The following TSPAN14 variants were observed in gnomAD, a reference collection of about 807,000 sequenced individuals.
The protein encoded by TSPAN14 is tetraspanin 14.
TSPAN14 carries 16 observed loss-of-function variants against 36.6 expected under a neutral mutation model. That is an observed-to-expected ratio of 0.44 (90% CI 0.30 to 0.66). TSPAN14 has a LOEUF of 0.66. TSPAN14 is among the 30% of genes least tolerant of loss of function. The pLI, the probability that TSPAN14 is intolerant of heterozygous loss-of-function variation, is 0.12. For synonymous variants in TSPAN14, 139 were observed against 143.8 expected, an observed-to-expected ratio of 0.97 and a Z score of 0.24; for missense variants, 231 against 355.1, an observed-to-expected ratio of 0.65 and a Z score of 2.81.
At chr10:80,492,778 T>C (rs1325714164) in intron 2 of TSPAN14, among the ~76,000 whole-genome samples, 2 of 151,778 alleles carry the variant, frequency 1.3e-5, no homozygotes, top group Non-Finnish European at 2.9e-5. Context: ...ATCGCGCCAC[T>C]GCACTCCAGC....
intron 8 of TSPAN14, among the ~76,000 whole-genome samples, chr10:80,516,901 G>T (rs546771251): frequency 6.6e-6 from 1 of 152,238 alleles, no homozygotes; most frequent in Admixed American, 6.5e-5. Flanking sequence ...ATTTGAACCA[G>T]GTTGCACATG....
rs963934476 is a variant in TSPAN14, at chr10:80,516,027, C to T, written c.622-177C>T. On this transcript the variant is annotated intron_variant, in intron 7 of 8. Coordinates refer to ENST00000429989, the Ensembl canonical transcript of TSPAN14. ...GGTGGTGCGATGGCACAGTGCCCAG[C>T]GAGGGGCAGAGGCTGAGAGGAGCTG... The T allele has an allele frequency of 7.2e-5, 63 of 877,938 alleles. No individual in the cohort carries two copies. In the South Asian group the frequency reaches 7.8e-4, roughly 11 times the overall value. The allele number at this position is 877,938 out of a possible 1,614,324, so 54.4% of individuals were successfully genotyped here.
chr10:80,517,493 T>C (rs1019170001), intron 8 of TSPAN14, among the ~76,000 whole-genome samples: 2 of 152,252 alleles, frequency 1.3e-5, no homozygotes, highest in Non-Finnish European at 2.9e-5. Flanking sequence ...GGTTTTATTA[T>C]GGAATCGACG....
At chr10:80,486,748 G>A (rs149997422) in intron 1 of TSPAN14, among the ~76,000 whole-genome samples, 68 of 152,236 alleles carry the variant, frequency 4.5e-4, no homozygotes, top group Admixed American at 2.2e-3. Flanking sequence ...AGTTTCTACC[G>A]CTTAGAACAT....
chr10:80,464,229 TC>T (rs1305089274), intron 1 of TSPAN14, among the ~76,000 whole-genome samples: 1 of 152,212 alleles, frequency 6.6e-6, no homozygotes, highest in East Asian at 1.9e-4. Context: ...TTCTCTGGCC[TC>T]CCTTGGCCTT....
At chr10:80,470,455 T>C (rs981047885) in intron 1 of TSPAN14, among the ~76,000 whole-genome samples, 2 of 152,246 alleles carry the variant, frequency 1.3e-5, no homozygotes, top group Non-Finnish European at 2.9e-5. Context: ...ACTGACAGTA[T>C]ATTCTAGCTG....
At chr10:80,488,269 C>T (rs540163996) in intron 1 of TSPAN14, among the ~76,000 whole-genome samples, 5 of 152,294 alleles carry the variant, frequency 3.3e-5, no homozygotes, top group East Asian at 3.9e-4. Context: ...TGGAGGACTT[C>T]GGGGTCCACC....
intron 7 of TSPAN14, 69 bp from the exon 8 acceptor site, chr10:80,516,135 C>T (rs1295115016): frequency 4.4e-6 from 7 of 1,608,808 alleles, no homozygotes; most frequent in Non-Finnish European, 6.0e-6. Flanking sequence ...CTTACCAGAG[C>T]TCACTAGGGG....
At chr10:80,489,105 A>T in intron 1 of TSPAN14, 112 bp from the exon 2 acceptor site, 1 of 694,160 alleles carries the variant, frequency 1.4e-6, no homozygotes, top group Non-Finnish European at 2.5e-6. Context: ...GGACCAGTAA[A>T]GGGTCATGAG....
chr10:80,496,427 C>T (rs7085951), intron 2 of TSPAN14, among the ~76,000 whole-genome samples: 9,457 of 152,206 alleles, frequency 0.062, 977 homozygotes, highest in African/African-American at 0.21. Context: ...AAGAGTTTCT[C>T]CTTTTATTCT....
At chr10:80,508,771 CAT>C (rs1840450853) in intron 4 of TSPAN14, among the ~76,000 whole-genome samples, 1 of 152,192 alleles carries the variant, frequency 6.6e-6, no homozygotes, top group Non-Finnish European at 1.5e-5. Flanking sequence ...TACCTCGTGA[CAT>C]AGCCATAGTT....
At chr10:80,495,632 G>C (rs553648704) in intron 2 of TSPAN14, among the ~76,000 whole-genome samples, 47 of 152,326 alleles carry the variant, frequency 3.1e-4, no homozygotes, top group African/African-American at 1.1e-3. Flanking sequence ...GTACTTTCAA[G>C]TCTTAAGTAG....
chr10:80,490,518 A>G (rs892946120), intron 2 of TSPAN14, among the ~76,000 whole-genome samples: 4 of 152,190 alleles, frequency 2.6e-5, no homozygotes, highest in East Asian at 1.9e-4. Flanking sequence ...GGCACAGTCA[A>G]CCATGGTGCA....
At chr10:80,505,661 G>C (rs989135233) in intron 3 of TSPAN14, among the ~76,000 whole-genome samples, 1 of 152,170 alleles carries the variant, frequency 6.6e-6, no homozygotes, top group African/African-American at 2.4e-5. Flanking sequence ...AGTGGCCTGT[G>C]AACCCCTAAA....
exon 9 of TSPAN14, chr10:80,521,988 G>A (rs532467596): frequency 6.6e-6 from 1 of 151,714 alleles, no homozygotes; most frequent in African/African-American, 2.4e-5. Context: ...AAAACATGAA[G>A]TGGGCATTGT....
chr10:80,515,938 G>T (rs147059704), intron 7 of TSPAN14: 14 of 470,346 alleles, frequency 3.0e-5, no homozygotes, highest in African/African-American at 1.9e-5. Context: ...GGTATCTTGA[G>T]AAAGTTGGGC....
chr10:80,488,114 C>G (rs1330212343), intron 1 of TSPAN14, among the ~76,000 whole-genome samples: 1 of 152,176 alleles, frequency 6.6e-6, no homozygotes, highest in African/African-American at 2.4e-5. Context: ...GGCTGTGTTA[C>G]TCTCCTCACC....
At chr10:80,485,870 A>T (rs1847564864) in intron 1 of TSPAN14, among the ~76,000 whole-genome samples, 1 of 152,146 alleles carries the variant, frequency 6.6e-6, no homozygotes, top group Non-Finnish European at 1.5e-5. Context: ...CCACCCCTAG[A>T]CCTCATGGGG....
rs923756991 is a variant in TSPAN14 at position 80,504,794 on chromosome 10, G to A, written c.132+16G>A. 1.4e-5 allele frequency: 23 copies of A among 1,614,112 alleles called. No homozygotes were observed. Among genetic ancestry groups the A allele is most frequent in the African/African-American group, 4.0e-5 (3 of 75,048 alleles). ...GAGCGAAAAGGTAGGTGTAACTGTC[G>A]CAGGACACTGAGCTTCAGGCAGCCA... On this transcript the variant is annotated intron_variant, in intron 3 of 8. Coordinates refer to ENST00000429989, the Ensembl canonical transcript of TSPAN14.
Sources: allele counts gnomAD v4.1 joint callset (sites outside exome capture counted in the v4.1 genomes callset), GRCh38; gene constraint gnomAD v4.1.1; transcripts MANE v1.5; gene names NCBI Gene and HGNC (gene_info 2026-07-23, HGNC 2026-07-21).